ADAM19: variants seen among roughly 807,000 people sequenced by gnomAD.
ADAM19 encodes the protein ADAM metallopeptidase domain 19, also known as disintegrin and metalloproteinase domain-containing protein 19.
A neutral mutation model predicts 114.7 loss-of-function variants in ADAM19; 65 were observed. The ratio of observed to expected loss-of-function variants is 0.57; its 90% CI spans 0.46 to 0.70. The LOEUF (loss-of-function observed/expected upper bound fraction) is 0.70, where lower values mean the gene tolerates loss of function less well. Among genes scored for constraint, ADAM19 ranks in the 30% least tolerant of loss-of-function variants. The probability of loss-of-function intolerance (pLI) is 0.00; values close to 1 mark genes in which losing one functional copy is unlikely to be tolerated. For synonymous variants in ADAM19, 466 were observed against 460.5 expected (o/e 1.01, Z -0.15); for missense variants, 1,063 against 1,204.7 (o/e 0.88, Z 1.74).
At chr5:157,506,039 A>T (rs1238158000) in intron 10 of ADAM19, among the ~76,000 whole-genome samples, 1 of 152,256 alleles carries the variant, frequency 6.6e-6, no homozygotes, top group Non-Finnish European at 1.5e-5. Context: ...TGCAGACCAC[A>T]ACTGACCTAT....
At chr5:157,543,486 C>T (rs151159368) in intron 3 of ADAM19, among the ~76,000 whole-genome samples, 1 of 152,194 alleles carries the variant, frequency 6.6e-6, no homozygotes, top group African/African-American at 2.4e-5. Context: ...TTCACAGTGC[C>T]CCTGTAAGAT....
chr5:157,562,670 G>T (rs957407199), intron 3 of ADAM19, among the ~76,000 whole-genome samples: 3 of 151,992 alleles, frequency 2.0e-5, no homozygotes, highest in African/African-American at 7.3e-5. Context: ...TTACTTGCTG[G>T]GTGGCCTCAG....
Position 157,530,634 on chromosome 5 carries a change from G to C in ADAM19, c.407+173C>G, listed in dbSNP as rs151208232. On this transcript the variant is annotated intron_variant, in intron 5 of 22. Transcript: ENST00000257527. ...AAAGTTAAATCCCAATGGATTTCTG[G>C]ATTACCTAGGCTTTCCCTTGCCCAT... Among the ~76,000 whole-genome samples the C allele has an allele frequency of 7.0e-4, 106 of 152,288 alleles. 1 individual carries two copies. Among genetic ancestry groups the C allele is most frequent in the African/African-American group, 2.4e-3 (101 of 41,556 alleles).
Position 157,499,766 on chromosome 5 carries a change from ACTAT to A in ADAM19, c.1309-108_1309-105del, listed in dbSNP as rs1418642101. On this transcript the variant is annotated intron_variant, in intron 12 of 22. Coordinates refer to ENST00000257527, the MANE Select transcript of ADAM19 (RefSeq NM_033274.5). ...CCCCTGGAACCCCAGCTCTCTAGCA[ACTAT>A]CTCTTTTTTTTTTTTTTTTTTTTTG... 1.3e-3 allele frequency: 825 copies of A among 653,956 alleles called. 1 individual carries two copies. The highest frequency in any genetic ancestry group is 1.6e-3 in the Non-Finnish European group (610 of 387,794). 40.5% of individuals were successfully genotyped at this position (653,956 alleles called of 1,614,324 possible). A position where few individuals can be genotyped will look rare whatever the true frequency, so the allele number is the denominator to read the frequency against.
At chr5:157,524,818 A>G (rs1489689356) in intron 5 of ADAM19, among the ~76,000 whole-genome samples, 1 of 152,230 alleles carries the variant, frequency 6.6e-6, no homozygotes, top group Admixed American at 6.5e-5. Context: ...GTGATAATGG[A>G]CTGAATAGGC....
intron 21 of ADAM19, among the ~76,000 whole-genome samples, chr5:157,486,817 A>G (rs1004305622): frequency 6.6e-6 from 1 of 152,144 alleles, no homozygotes; most frequent in Non-Finnish European, 1.5e-5. Flanking sequence ...TCATATGCTG[A>G]AGCCCTAACC....
At chr5:157,543,560 G>C (rs13436270) in intron 3 of ADAM19, among the ~76,000 whole-genome samples, 1 of 152,036 alleles carries the variant, frequency 6.6e-6, no homozygotes, top group South Asian at 2.1e-4. Context: ...TATTTGTAAA[G>C]TAGAAAGTAT....
intron 3 of ADAM19, among the ~76,000 whole-genome samples, chr5:157,560,069 T>G (rs1354136527): frequency 2.6e-5 from 4 of 151,306 alleles, no homozygotes; most frequent in Non-Finnish European, 4.4e-5. Context: ...ATCGAGACCA[T>G]CCCGGCTAAA....
Position 157,478,656 on chromosome 5 carries a change from G to A in ADAM19, c.*2293C>T. On this transcript the variant is annotated 3_prime_UTR_variant, in exon 23 of 23. Transcript: ENST00000257527. ...AGCCTCCCTGAACAGAGCCAGGAGTGAAGCATTAGTAGAACTGGTTGCCGA... is the reference window on the plus strand; with the variant it reads ...AGCCTCCCTGAACAGAGCCAGGAGTAAAGCATTAGTAGAACTGGTTGCCGA... 3.0e-6 allele frequency: 3 copies of A among 985,896 alleles called. No individual in the cohort carries two copies. The highest frequency in any genetic ancestry group is 3.6e-6 in the Non-Finnish European group (3 of 829,950). 61.1% of individuals were successfully genotyped at this position (985,896 alleles called of 1,614,324 possible). A position where few individuals can be genotyped will look rare whatever the true frequency, so the allele number is the denominator to read the frequency against.
chr5:157,555,020 C>T (rs940877876), intron 3 of ADAM19, among the ~76,000 whole-genome samples: 5 of 152,136 alleles, frequency 3.3e-5, no homozygotes, highest in Non-Finnish European at 7.3e-5. Flanking sequence ...GAAGAAATGC[C>T]AGTGCTAACC....
chr5:157,552,520 A>C (rs756564495), intron 3 of ADAM19, among the ~76,000 whole-genome samples: 7 of 151,930 alleles, frequency 4.6e-5, no homozygotes, highest in Non-Finnish European at 1.0e-4. Context: ...TCTACTAAAA[A>C]TACAAAAAGT....
rs747030066 is a variant in ADAM19 at position 157,507,140 on chromosome 5, C to G, written c.906G>C (p.Thr302=). 4 of 1,613,810 alleles carry G rather than the reference C, an allele frequency of 2.5e-6. No homozygotes were observed. The highest frequency in any genetic ancestry group is 3.4e-6 in the Non-Finnish European group (4 of 1,179,836). ...QKYHDNAQLI[T]GMSFHGTTIG... The stretch of plus-strand genomic sequence containing the variant: ...TGGTGGTGCCGTGGAAGGACATGCC[C>G]CTGCAGGAGGCAAGGAGAGACGGTG... Residue 302 remains threonine (T), a splice_region_variant and synonymous_variant, in exon 10 of 23, where the codon ACG becomes ACC. Coordinates refer to ENST00000257527, the MANE Select transcript of ADAM19 (RefSeq NM_033274.5).
At chr5:157,538,314 C>T (rs1226999263) in intron 3 of ADAM19, among the ~76,000 whole-genome samples, 2 of 151,792 alleles carry the variant, frequency 1.3e-5, no homozygotes, top group Non-Finnish European at 1.5e-5. Context: ...CAAAATTTCC[C>T]GGGGCCTATG....
chr5:157,483,636 C>CT (rs1581282839), intron 21 of ADAM19, among the ~76,000 whole-genome samples: 1 of 123,650 alleles, frequency 8.1e-6, no homozygotes, highest in East Asian at 3.4e-4. Context: ...GTGAACATTC[C>CT]ATTTTTTTTT....
At chr5:157,496,382 G>A (rs1283811074) in intron 14 of ADAM19, among the ~76,000 whole-genome samples, 6 of 152,136 alleles carry the variant, frequency 3.9e-5, no homozygotes. Context: ...TCACATACAT[G>A]TGCAAGTGTT....
rs564251368 is a variant in ADAM19, at chr5:157,479,563, C to T, written c.*1386G>A. The T allele has an allele frequency of 3.6e-5, 35 of 985,830 alleles. No homozygotes were observed. In the African/African-American group the frequency reaches 5.6e-4, roughly 16 times the overall value. 61.1% of individuals were successfully genotyped at this position (985,830 alleles called of 1,614,324 possible). A position where few individuals can be genotyped will look rare whatever the true frequency, so the allele number is the denominator to read the frequency against. ...GCAAAGCACCACACGGCCCTCCTTC[C>T]CTGCTGCAGGGAAGACAGGAGCCAC... On this transcript the variant is annotated 3_prime_UTR_variant, in exon 23 of 23. Coordinates refer to ENST00000257527, the MANE Select transcript of ADAM19 (RefSeq NM_033274.5).
intron 3 of ADAM19, among the ~76,000 whole-genome samples, chr5:157,559,228 T>A (rs1030860503): frequency 2.6e-5 from 4 of 152,246 alleles, no homozygotes; most frequent in Admixed American, 6.5e-5. Flanking sequence ...TTTAGCTAAC[T>A]GGGCTGGAGC....
At chr5:157,509,679 C>G (rs553968246) in intron 8 of ADAM19, among the ~76,000 whole-genome samples, 1 of 152,178 alleles carries the variant, frequency 6.6e-6, no homozygotes, top group Non-Finnish European at 1.5e-5. Context: ...CAGAAGGAGG[C>G]AACTGGTGTT....
chr5:157,526,410 A>T (rs72811316), intron 5 of ADAM19, among the ~76,000 whole-genome samples: 5,543 of 152,292 alleles, frequency 0.036, 117 homozygotes, highest in South Asian at 0.073. Flanking sequence ...AAAAATTTTT[A>T]AAAAAGTAAA....
Sources: allele counts gnomAD v4.1 joint callset (sites outside exome capture counted in the v4.1 genomes callset), GRCh38; gene constraint gnomAD v4.1.1; transcripts MANE v1.5; gene names NCBI Gene and HGNC (gene_info 2026-07-23, HGNC 2026-07-21).